The following VCPKMT variants were observed in gnomAD, a reference collection of about 807,000 sequenced individuals.
VCPKMT encodes valosin containing protein lysine methyltransferase.
Under a neutral mutation model 28.6 loss-of-function variants are expected in VCPKMT, and 32 were observed. That is an observed-to-expected ratio of 1.12 (90% CI 0.84 to 1.50). The LOEUF (loss-of-function observed/expected upper bound fraction) is 1.50. Among genes scored for constraint, VCPKMT ranks in the 40% most tolerant of loss-of-function variants. The pLI is 0.00. For synonymous variants in VCPKMT, 138 were observed against 111.4 expected, an observed-to-expected ratio of 1.24 and a Z score of -1.50; for missense variants, 366 against 285.0, an observed-to-expected ratio of 1.28 and a Z score of -2.05.
rs1276574330 is a variant in VCPKMT, at chr14:50,114,332, G to C, written c.523C>G (p.Gln175Glu). Residue 175 changes from glutamine (Q) to glutamate (E), a missense_variant, in exon 4 of 6, where the codon CAA becomes GAA. Physicochemically the swap from Gln to Glu is conservative, Grantham distance 29 (BLOSUM62 2). Transcript: ENST00000395860. The part of the protein sequence containing the change: ...FETCIICCYE[Q>E]RTMGKNPEIE... ...TCTGGATTTTTCCCCATTGTTCGTT[G>C]TTCATAACAACATATAATACAAGTT... is the stretch of plus-strand genomic sequence containing the variant. The C allele has an allele frequency of 6.3e-7, 1 of 1,592,138 alleles. No individual in the cohort carries two copies. The highest frequency in any genetic ancestry group is 8.5e-7 in the Non-Finnish European group (1 of 1,171,484).
chr14:50,111,568 G>A, intron 5 of VCPKMT: 1 of 985,222 alleles, frequency 1.0e-6, no homozygotes, highest in Non-Finnish European at 1.2e-6. Context: ...ATATACCAAA[G>A]GTGCTGGAAA....
rs774775966 is a variant in VCPKMT at position 50,115,829 on chromosome 14, G to A, written c.450+10C>T. On this transcript the variant is annotated intron_variant, in intron 3 of 5. Coordinates refer to ENST00000395860, the MANE Select transcript of VCPKMT (RefSeq NM_024558.3). ...TCTAAGTGAAGAGACTTCGCTCACT[G>A]GATACTTACCTCTTCATAGTATATG... The A allele has an allele frequency of 1.3e-5, 20 of 1,593,476 alleles. 1 individual carries two copies. In the East Asian group the frequency reaches 2.0e-4, roughly 16 times the overall value.
At chr14:50,112,813 G>C (rs1260479129) in intron 4 of VCPKMT, 94 bp from the exon 5 acceptor site, 4 of 780,438 alleles carry the variant, frequency 5.1e-6, no homozygotes, top group Non-Finnish European at 7.9e-6. Context: ...TTTTTTGAGA[G>C]TCTCACTCTG....
chr14:50,111,406 TAA>T (rs1254547628), intron 5 of VCPKMT: 15 of 985,348 alleles, frequency 1.5e-5, no homozygotes, highest in Non-Finnish European at 1.8e-5. Context: ...TTCTGTTCCC[TAA>T]GTTTTATTTG....
chr14:50,116,485 C>A lies in VCPKMT; in HGVS notation c.68G>T (p.Arg23Leu). Reference protein sequence around the residue: ...LRSFVRVLEKRDGTVLRLQQY... With the variant: ...LRSFVRVLEKLDGTVLRLQQY... Reference sequence around the variant, plus strand: ...CTGTAGTCGTAGCACTGTACCATCCCGCTTCTCCAAAACTCGCACAAAGCT... The same window carrying A: ...CTGTAGTCGTAGCACTGTACCATCCAGCTTCTCCAAAACTCGCACAAAGCT... The change falls in exon 1 of 6, where the codon CGG (arginine) becomes CTG (leucine). Residue 23 changes from arginine (R) to leucine (L), a missense_variant. Physicochemically the swap from Arg to Leu is moderately radical, Grantham distance 102. Coordinates refer to ENST00000395860, the MANE Select transcript of VCPKMT (RefSeq NM_024558.3). 1 of 1,613,986 alleles carries A rather than the reference C, an allele frequency of 6.2e-7. No individual in the cohort carries two copies. Among genetic ancestry groups the A allele is most frequent in the Admixed American group, 1.7e-5 (1 of 60,024 alleles).
Position 50,116,106 on chromosome 14 carries a change from G to C in VCPKMT, c.340C>G (p.Leu114Val). ...TTGGCTTGAACAGAACCAGTGACAA[G>C]ATGCTTGTTCATATTAATATTCATC... ...LKMNINMNKH[L>V]VTGSVQAKVL... Residue 114 changes from leucine (L) to valine (V), a missense_variant, in exon 2 of 6, where the codon CTT (leucine) becomes GTT (valine). Coordinates refer to ENST00000395860, the MANE Select transcript of VCPKMT (RefSeq NM_024558.3). 2.5e-6 allele frequency: 4 copies of C among 1,613,890 alleles called. No individual in the cohort carries two copies. The highest frequency in any genetic ancestry group is 2.5e-6 in the Non-Finnish European group (3 of 1,179,938).
At chr14:50,108,007 G>C (rs997387832), downstream of VCPKMT, among the ~76,000 whole-genome samples, 6 of 151,932 alleles carry the variant, frequency 3.9e-5, no homozygotes, top group East Asian at 1.2e-3. Flanking sequence ...TGGGCAACAT[G>C]GTGAAACCCT....
downstream of VCPKMT, among the ~76,000 whole-genome samples, chr14:50,104,560 C>A (rs76472346): frequency 7.0e-3 from 1,070 of 152,090 alleles, 14 homozygotes; most frequent in African/African-American, 0.024. Context: ...TGAATCAAAA[C>A]TCTTTCAAAT....
At chr14:50,104,456 G>A (rs1001189974), downstream of VCPKMT, among the ~76,000 whole-genome samples, 6 of 152,106 alleles carry the variant, frequency 3.9e-5, no homozygotes, top group East Asian at 1.9e-4. Flanking sequence ...GTAAGATATC[G>A]TTGCAACAGT....
downstream of VCPKMT, chr14:50,106,675 T>C (rs560649887): frequency 9.2e-6 from 9 of 980,110 alleles, no homozygotes; most frequent in South Asian, 3.3e-4. Flanking sequence ...CTCCCATACT[T>C]GCAAACATCT....
At chr14:50,103,034 A>G in the VCPKMT span, among the ~76,000 whole-genome samples, 1 of 152,242 alleles carries the variant, frequency 6.6e-6, no homozygotes, top group African/African-American at 2.4e-5. Context: ...CTCTTAAAAC[A>G]TTATAAGATT....
intron 5 of VCPKMT, chr14:50,112,122 G>T (rs184077788): frequency 1.7e-5 from 16 of 933,432 alleles, no homozygotes; most frequent in African/African-American, 3.6e-5. Flanking sequence ...GTTCACAAAG[G>T]TAAGAGCAGG....
chr14:50,115,481 A>G (rs1336022142), intron 3 of VCPKMT, among the ~76,000 whole-genome samples: 1 of 152,186 alleles, frequency 6.6e-6, no homozygotes, highest in African/African-American at 2.4e-5. Flanking sequence ...AGAACAATGA[A>G]TTATTTATAA....
At chr14:50,111,455 C>T (rs1882651554) in intron 5 of VCPKMT, 4 of 985,340 alleles carry the variant, frequency 4.1e-6, no homozygotes, top group Non-Finnish European at 4.8e-6. Context: ...AAAACTTTAC[C>T]ACAAACATAA....
At chr14:50,114,254 C>G (rs1238904568) in intron 4 of VCPKMT, 31 bp downstream of exon 4, 1 of 1,490,372 alleles carries the variant, frequency 6.7e-7, no homozygotes, top group African/African-American at 1.4e-5. Flanking sequence ...AGGGAAATCA[C>G]TACAAAGATA....
intron 5 of VCPKMT, chr14:50,112,190 G>A (rs562465073): frequency 2.3e-6 from 1 of 430,182 alleles, no homozygotes; most frequent in South Asian, 1.0e-4. Flanking sequence ...ACTTGTCTGA[G>A]GTAATACCCA....
downstream of VCPKMT, among the ~76,000 whole-genome samples, chr14:50,105,970 C>T (rs763900737): frequency 7.2e-5 from 11 of 152,228 alleles, no homozygotes; most frequent in African/African-American, 1.9e-4. Context: ...GGTTCCACAT[C>T]GGATTCCAAG....
chr14:50,112,752 A>G (rs1236213557), intron 4 of VCPKMT, 33 bp from the exon 5 acceptor site: 2 of 1,420,908 alleles, frequency 1.4e-6, no homozygotes, highest in Admixed American at 2.1e-5. Context: ...CTTCAAATTC[A>G]ATAATATGAA....
downstream of VCPKMT, among the ~76,000 whole-genome samples, chr14:50,104,272 T>C (rs182673465): frequency 1.3e-5 from 2 of 152,338 alleles, no homozygotes; most frequent in Non-Finnish European, 2.9e-5. Flanking sequence ...TCACAGTTGA[T>C]AGGGACTCAC....
Sources: allele counts gnomAD v4.1 joint callset (sites outside exome capture counted in the v4.1 genomes callset), GRCh38; gene constraint gnomAD v4.1.1; transcripts MANE v1.5; gene names NCBI Gene and HGNC (gene_info 2026-07-23, HGNC 2026-07-21).